DAP: variants seen among roughly 807,000 people sequenced by gnomAD.
DAP encodes death-associated protein 1.
Under a neutral mutation model 13.8 loss-of-function variants are expected in DAP, and 8 were observed. That is an observed-to-expected ratio of 0.58 (90% confidence interval 0.34 to 1.05). The LOEUF (loss-of-function observed/expected upper bound fraction) is 1.05, where lower values mean the gene tolerates loss of function less well. Ranked by LOEUF, DAP falls within the 50% of genes least tolerant of loss-of-function variation. The pLI is 0.03. For missense variants in DAP, 106 were observed against 133.2 expected, an observed-to-expected ratio of 0.80 and a Z score of 1.01; for synonymous variants, 47 against 47.5, an observed-to-expected ratio of 0.99 and a Z score of 0.04.
intron 2 of DAP, among the ~76,000 whole-genome samples, chr5:10,725,395 T>G (rs1739264179): frequency 1.3e-5 from 2 of 152,172 alleles, no homozygotes; most frequent in Non-Finnish European, 2.9e-5. Context: ...TCTGAGTGGT[T>G]GTTGTGTTCC....
intron 2 of DAP, chr5:10,733,719 T>C (rs541492391): frequency 6.6e-6 from 1 of 152,330 alleles, no homozygotes; most frequent in East Asian, 1.9e-4. Flanking sequence ...AGAATTTTCT[T>C]CCCCAACATG....
chr5:10,725,113 G>C (rs541573841), intron 2 of DAP, among the ~76,000 whole-genome samples: 15 of 152,196 alleles, frequency 9.9e-5, no homozygotes, highest in Non-Finnish European at 1.8e-4. Context: ...TTCTTCAGCC[G>C]TGTTTGTTTT....
intron 1 of DAP, among the ~76,000 whole-genome samples, chr5:10,757,178 C>T (rs571780589): frequency 1.2e-3 from 185 of 152,326 alleles, no homozygotes; most frequent in African/African-American, 3.9e-3. Context: ...AGTCGTCTGT[C>T]GGGCTGCTGA....
At position 10,679,958 on chromosome 5, in the gene DAP, G is replaced by T. The variant is rs1737939340; in HGVS notation, c.*1098C>A. The T allele has an allele frequency of 6.6e-6, 1 of 152,382 alleles. No individual in the cohort carries two copies. The highest frequency in any genetic ancestry group is 1.5e-5 in the Non-Finnish European group (1 of 68,078). The allele number at this position is 152,382 out of a possible 1,614,324, so 9.4% of individuals were successfully genotyped here. A position where few individuals can be genotyped will look rare whatever the true frequency, so the allele number is the denominator to read the frequency against. On this transcript the variant is annotated 3_prime_UTR_variant, in exon 4 of 4. Coordinates refer to ENST00000230895, the MANE Select transcript of DAP (RefSeq NM_004394.3). ...AACCCTCTGGCTTTTCGAGGACGCA[G>T]GGTACCCTACTGCCACCAGCCAGTG...
intron 2 of DAP, among the ~76,000 whole-genome samples, chr5:10,688,948 T>C (rs1189966853): frequency 6.6e-6 from 1 of 152,054 alleles, no homozygotes; most frequent in Non-Finnish European, 1.5e-5. Context: ...CAGGAATCTG[T>C]CTCCAGCACT....
chr5:10,683,950 A>C (rs1164973399), intron 2 of DAP, among the ~76,000 whole-genome samples: 1 of 152,158 alleles, frequency 6.6e-6, no homozygotes, highest in African/African-American at 2.4e-5. Flanking sequence ...CAGTCTCCCG[A>C]GTAGCTGGGA....
At chr5:10,684,865 C>T (rs1439927947) in intron 2 of DAP, among the ~76,000 whole-genome samples, 10 of 152,112 alleles carry the variant, frequency 6.6e-5, no homozygotes, top group African/African-American at 1.9e-4. Flanking sequence ...GCTGGGACAG[C>T]GCGATCGATC....
intron 3 of DAP, among the ~76,000 whole-genome samples, chr5:10,681,630 T>A (rs965912182): frequency 4.4e-5 from 6 of 136,042 alleles, no homozygotes; most frequent in Non-Finnish European, 4.7e-5. Flanking sequence ...AAGCATGGTG[T>A]TTGTGGGTGA....
chr5:10,739,201 CAAAAAAAAAAAAAA>C (rs10644743), intron 2 of DAP, among the ~76,000 whole-genome samples: 1 of 71,604 alleles, frequency 1.4e-5, no homozygotes, highest in Non-Finnish European at 2.5e-5. Flanking sequence ...GACTCTGAAT[CAAAAAAAAAAAAAA>C]AAAAAAAAAA....
At chr5:10,712,429 C>T (rs987160832) in intron 2 of DAP, among the ~76,000 whole-genome samples, 2 of 152,166 alleles carry the variant, frequency 1.3e-5, no homozygotes, top group African/African-American at 4.8e-5. Flanking sequence ...AAAGCCGCTT[C>T]AGTGGGGCCT....
intron 2 of DAP, among the ~76,000 whole-genome samples, chr5:10,692,568 C>T (rs1257251611): frequency 6.6e-6 from 1 of 152,146 alleles, no homozygotes; most frequent in African/African-American, 2.4e-5. Flanking sequence ...ACCACAAGCC[C>T]CCAGAACATC....
chr5:10,748,720 TCA>T (rs1411928783), intron 1 of DAP, among the ~76,000 whole-genome samples: 1 of 152,236 alleles, frequency 6.6e-6, no homozygotes, highest in Non-Finnish European at 1.5e-5. Context: ...TACTGTGCCT[TCA>T]CAGAGCCCAG....
At position 10,680,481 on chromosome 5, in the gene DAP, C is replaced by T. The variant is rs1737955858; in HGVS notation, c.*575G>A. 13 of 537,198 alleles carry T rather than the reference C, an allele frequency of 2.4e-5. No individual in the cohort carries two copies. Among genetic ancestry groups the T allele is most frequent in the Non-Finnish European group, 4.3e-5 (13 of 305,512 alleles). 33.3% of individuals were successfully genotyped at this position (537,198 alleles called of 1,614,324 possible). On this transcript the variant is annotated 3_prime_UTR_variant, in exon 4 of 4. Coordinates refer to ENST00000230895, the MANE Select transcript of DAP (RefSeq NM_004394.3). ...TGAGGGGCTATTTCTAAGATGCATG[C>T]TTTTTCGGCTTTTCTCATGGGTGCC...
At chr5:10,746,899 T>C (rs1025719724) in intron 2 of DAP, among the ~76,000 whole-genome samples, 6 of 152,220 alleles carry the variant, frequency 3.9e-5, no homozygotes, top group African/African-American at 1.2e-4. Context: ...TGCCTACTCT[T>C]GGCAACTATC....
In DAP at chr5:10,748,239, G is replaced by A; in HGVS notation, c.88C>T (p.His30Tyr). 1 of 1,614,070 alleles carries A rather than the reference G, an allele frequency of 6.2e-7. No individual in the cohort carries two copies. Among genetic ancestry groups the A allele is most frequent in the Non-Finnish European group, 8.5e-7 (1 of 1,179,938 alleles). ...TCTTTGGTGTCTCCTGTATGTGGGT[G>A]TTTCTGCACAATTCGCATTCCACCA... Reference protein sequence around the residue: ...KAGGMRIVQKHPHTGDTKEEK... With the variant: ...KAGGMRIVQKYPHTGDTKEEK... Residue 30 changes from histidine (H) to tyrosine (Y), a missense_variant, in exon 2 of 4, where the codon CAC becomes TAC. His to Tyr is a moderately conservative substitution (Grantham distance 83, BLOSUM62 2). Transcript: ENST00000230895.
intron 2 of DAP, among the ~76,000 whole-genome samples, chr5:10,690,020 T>C (rs147504478): frequency 6.6e-6 from 1 of 152,170 alleles, no homozygotes; most frequent in Admixed American, 6.5e-5. Context: ...AGCGCCCCCA[T>C]CTGTTTGGCA....
At chr5:10,728,932 A>G (rs1464707490) in intron 2 of DAP, among the ~76,000 whole-genome samples, 1 of 152,182 alleles carries the variant, frequency 6.6e-6, no homozygotes, top group Non-Finnish European at 1.5e-5. Context: ...TGTTCCCCCA[A>G]CCAGTACAGA....
At chr5:10,699,728 G>C (rs549834792) in intron 2 of DAP, among the ~76,000 whole-genome samples, 2 of 150,470 alleles carry the variant, frequency 1.3e-5, no homozygotes, top group African/African-American at 5.0e-5. Context: ...AGCCTTTCCA[G>C]AGAGGAATGA....
chr5:10,699,282 G>A (rs62337572), intron 2 of DAP, among the ~76,000 whole-genome samples: 6,326 of 152,334 alleles, frequency 0.042, 198 homozygotes, highest in South Asian at 0.081. Context: ...AATCTCTGGA[G>A]CATCTCCTAC....
Sources: gnomAD v4.1 joint callset for allele counts (sites outside exome capture counted in the v4.1 genomes callset) on GRCh38, gnomAD v4.1.1 for gene constraint, MANE v1.5 for transcripts, NCBI Gene and HGNC (gene_info 2026-07-23, HGNC 2026-07-21) for gene names.